SLCO1A2: variants seen among roughly 807,000 people sequenced by gnomAD.
The protein encoded by SLCO1A2 is solute carrier organic anion transporter family member 1A2, also known as OATP-1.
SLCO1A2 carries 67 observed loss-of-function variants against 69.0 expected under a neutral mutation model. The observed-to-expected ratio is 0.97, with a 90% confidence interval of 0.80 to 1.19. The LOEUF (loss-of-function observed/expected upper bound fraction) is 1.19. Ranked by LOEUF, SLCO1A2 falls within the 50% of genes most tolerant of loss-of-function variation. The pLI is 0.00. For synonymous variants in SLCO1A2, 260 were observed against 265.9 expected, an observed-to-expected ratio of 0.98 and a Z score of 0.22; for missense variants, 787 against 793.7, an observed-to-expected ratio of 0.99 and a Z score of 0.10.
intron 1 of SLCO1A2, among the ~76,000 whole-genome samples, chr12:21,387,783 C>G (rs951321122): frequency 1.3e-5 from 2 of 152,104 alleles, no homozygotes; most frequent in Non-Finnish European, 2.9e-5. Context: ...CCTCCAGACC[C>G]CAGAATGGTA....
chr12:21,395,967 T>C (rs1332812168), upstream of SLCO1A2, among the ~76,000 whole-genome samples: 8 of 150,112 alleles, frequency 5.3e-5, no homozygotes, highest in Non-Finnish European at 1.0e-4. Context: ...GCAGAGCGCC[T>C]CTCCTCCTCC....
intron 2 of SLCO1A2, among the ~76,000 whole-genome samples, chr12:21,368,734 A>G (rs1010529450): frequency 1.3e-5 from 2 of 152,136 alleles, no homozygotes; most frequent in Non-Finnish European, 2.9e-5. Context: ...TAATTGTTCT[A>G]ATTTTATATA....
intron 11 of SLCO1A2, 112 bp from the exon 12 acceptor site, chr12:21,292,448 C>T: frequency 5.7e-6 from 4 of 703,880 alleles, no homozygotes; most frequent in African/African-American, 1.8e-5. Flanking sequence ...CCCTTTACTC[C>T]ATCTCCATTA....
intron 13 of SLCO1A2, 22 bp downstream of exon 13, chr12:21,275,338 G>A (rs1272763038): frequency 1.3e-6 from 2 of 1,532,290 alleles, no homozygotes; most frequent in Non-Finnish European, 1.8e-6. Flanking sequence ...GATAGGATGT[G>A]GGAAAAAATA....
intron 2 of SLCO1A2, among the ~76,000 whole-genome samples, chr12:21,342,934 A>T (rs1953123235): frequency 6.6e-6 from 1 of 152,152 alleles, no homozygotes; most frequent in Admixed American, 6.6e-5. Context: ...CTCTAGGGGG[A>T]AAAGTACACT....
intron 2 of SLCO1A2, among the ~76,000 whole-genome samples, chr12:21,321,435 C>T (rs10082739): frequency 0.014 from 2,110 of 152,272 alleles, 39 homozygotes; most frequent in African/African-American, 0.045. Context: ...CTCTTTCACA[C>T]GCCACCTCCA....
At chr12:21,310,724 T>C (rs1950028366) in intron 4 of SLCO1A2, among the ~76,000 whole-genome samples, 1 of 152,212 alleles carries the variant, frequency 6.6e-6, no homozygotes, top group Non-Finnish European at 1.5e-5. Context: ...TGCCTCAGCC[T>C]CCTGAGTAGC....
At chr12:21,314,517 A>G (rs779984263) in intron 4 of SLCO1A2, 32 bp downstream of exon 4, 2 of 1,610,712 alleles carry the variant, frequency 1.2e-6, no homozygotes, top group East Asian at 2.2e-5. Flanking sequence ...GTGAAATTTG[A>G]CCACCCAAAA....
chr12:21,398,856 G>A (rs1941579066), upstream of SLCO1A2, among the ~76,000 whole-genome samples: 1 of 148,402 alleles, frequency 6.7e-6, no homozygotes, highest in East Asian at 2.3e-4. Flanking sequence ...AATAAATTAG[G>A]TATTGATGGG....
chr12:21,418,386 G>C (rs1276537593), upstream of SLCO1A2, among the ~76,000 whole-genome samples: 1 of 152,174 alleles, frequency 6.6e-6, no homozygotes, highest in African/African-American at 2.4e-5. Flanking sequence ...CAGGCACAGA[G>C]TATTGAACAG....
intron 12 of SLCO1A2, among the ~76,000 whole-genome samples, chr12:21,280,553 C>T (rs571994552): frequency 4.0e-5 from 6 of 151,736 alleles, no homozygotes; most frequent in Non-Finnish European, 8.8e-5. Context: ...ATGTATTCAC[C>T]CAACATTGAA....
At position 21,266,900 on chromosome 12, in the gene SLCO1A2, A is replaced by C. The variant is rs993148988; in HGVS notation, c.*2648T>G. ...ATTATAAGTAATATATTAAACCACT[A>C]TTTCTAGTTTCATTAACTTTATGTA... On this transcript the variant is annotated 3_prime_UTR_variant, in exon 15 of 15. Coordinates refer to ENST00000683939, the MANE Select transcript of SLCO1A2 (RefSeq NM_001386879.1). 1 of 152,124 alleles carries C rather than the reference A, an allele frequency of 6.6e-6. No homozygotes were observed. Among genetic ancestry groups the C allele is most frequent in the Non-Finnish European group, 1.5e-5 (1 of 68,016 alleles). The allele number at this position is 152,124 out of a possible 1,614,324, so 9.4% of individuals were successfully genotyped here. A position where few individuals can be genotyped will look rare whatever the true frequency, so the allele number is the denominator to read the frequency against.
At chr12:21,270,280 C>CAA (rs1201927848) in intron 14 of SLCO1A2, among the ~76,000 whole-genome samples, 1 of 151,752 alleles carries the variant, frequency 6.6e-6, no homozygotes, top group Non-Finnish European at 1.5e-5. Flanking sequence ...GAAGAATATG[C>CAA]AAAGTTTTCT....
intron 2 of SLCO1A2, among the ~76,000 whole-genome samples, chr12:21,359,266 A>G (rs535103552): frequency 1.7e-4 from 26 of 152,320 alleles, no homozygotes; most frequent in Non-Finnish European, 3.1e-4. Context: ...ATTAAACTTG[A>G]TAGACTCTAG....
chr12:21,406,059 G>A (rs895735097), intron 1 of SLCO1A2, among the ~76,000 whole-genome samples: 1 of 152,206 alleles, frequency 6.6e-6, no homozygotes, highest in African/African-American at 2.4e-5. Flanking sequence ...ACTACTCATG[G>A]ATTTTGTCTG....
intron 14 of SLCO1A2, 27 bp from the exon 15 acceptor site, chr12:21,269,794 T>C: frequency 6.4e-7 from 1 of 1,561,724 alleles, no homozygotes; most frequent in South Asian, 1.2e-5. Flanking sequence ...TAAAACATAT[T>C]AAATATTACA....
At chr12:21,419,580 G>C (rs887272353), upstream of SLCO1A2, 5 of 161,616 alleles carry the variant, frequency 3.1e-5, no homozygotes, top group East Asian at 1.8e-4. Context: ...CGCCCACGGA[G>C]TCTCGCTGAT....
chr12:21,400,257 C>G (rs1941643008), upstream of SLCO1A2, among the ~76,000 whole-genome samples: 1 of 152,124 alleles, frequency 6.6e-6, no homozygotes, highest in Non-Finnish European at 1.5e-5. Flanking sequence ...ATTTATGCAG[C>G]TAAAAAACAC....
At chr12:21,281,067 C>A (rs1411087481) in intron 12 of SLCO1A2, among the ~76,000 whole-genome samples, 1 of 151,958 alleles carries the variant, frequency 6.6e-6, no homozygotes, top group Non-Finnish European at 1.5e-5. Flanking sequence ...ACACAACATA[C>A]CAAAACTCAT....
Sources: gnomAD v4.1 joint callset for allele counts (sites outside exome capture counted in the v4.1 genomes callset) on GRCh38, gnomAD v4.1.1 for gene constraint, MANE v1.5 for transcripts, NCBI Gene and HGNC (gene_info 2026-07-23, HGNC 2026-07-21) for gene names.